The following FHIP1A variants were observed in gnomAD, a reference collection of about 807,000 sequenced individuals.
The protein encoded by FHIP1A is FHF complex subunit HOOK interacting protein 1A.
In FHIP1A, 61 loss-of-function variants were observed where a neutral mutation model predicts 88.6. That is an observed-to-expected ratio of 0.69 (90% CI 0.56 to 0.85). The LOEUF is 0.85. Among genes scored for constraint, FHIP1A ranks in the 40% least tolerant of loss-of-function variants. FHIP1A has a pLI of 0.00. For synonymous variants in FHIP1A, 478 were observed against 496.0 expected (o/e 0.96, Z 0.48); for missense variants, 1,154 against 1,273.5 (o/e 0.91, Z 1.43).
intron 3 of FHIP1A, among the ~76,000 whole-genome samples, chr4:151,565,398 T>A (rs1440512629): frequency 2.0e-5 from 3 of 152,174 alleles, no homozygotes; most frequent in African/African-American, 7.2e-5. Context: ...CATTTGTAAG[T>A]GTGCTACCTT....
At chr4:151,432,962 A>G (rs1733650610) in intron 1 of FHIP1A, among the ~76,000 whole-genome samples, 3 of 152,136 alleles carry the variant, frequency 2.0e-5, no homozygotes, top group South Asian at 4.1e-4. Flanking sequence ...TGGTCTTTTA[A>G]CATGCAGAGA....
chr4:151,631,753 C>T (rs1328832391), intron 8 of FHIP1A, among the ~76,000 whole-genome samples: 3 of 152,140 alleles, frequency 2.0e-5, no homozygotes, highest in African/African-American at 7.2e-5. Context: ...CTAGCCATGT[C>T]CCCTCCCCAA....
At chr4:151,599,098 A>T (rs1415536834) in intron 7 of FHIP1A, among the ~76,000 whole-genome samples, 25 of 152,234 alleles carry the variant, frequency 1.6e-4, no homozygotes, top group Admixed American at 1.6e-3. Context: ...TATTTTGGAC[A>T]TATGGGAAAG....
At chr4:151,559,536 G>A (rs1042260020) in intron 3 of FHIP1A, among the ~76,000 whole-genome samples, 2 of 152,020 alleles carry the variant, frequency 1.3e-5, no homozygotes, top group Admixed American at 6.6e-5. Context: ...TACACAAATC[G>A]TGGCATACTA....
At position 151,650,105 on chromosome 4, in the gene FHIP1A, G is replaced by A. The variant is rs1410126720; in HGVS notation, c.2064G>A (p.Gln688=). 1 of 1,551,690 alleles carries A rather than the reference G, an allele frequency of 6.4e-7. No homozygotes were observed. The highest frequency in any genetic ancestry group is 8.7e-7 in the Non-Finnish European group (1 of 1,146,984). Residue 688 remains glutamine (Q), a synonymous_variant, in exon 11 of 14, where the codon CAG becomes CAA. Coordinates refer to ENST00000435205, the MANE Select transcript of FHIP1A (RefSeq NM_001109977.3). ...ACAACGGCCCCCTCCTCAGCACCCA[G>A]CCAGAGACAGATTCAGAGGAGGAGT... ...PINNGPLLST[Q]PETDSEEEWN... is the part of the protein sequence containing the mutation.
chr4:151,471,890 TACTTA>T (rs1561510226), intron 2 of FHIP1A, among the ~76,000 whole-genome samples: 2 of 152,220 alleles, frequency 1.3e-5, no homozygotes, highest in Non-Finnish European at 2.9e-5. Context: ...ATTCCTGGGT[TACTTA>T]ACTTAGAATA....
chr4:151,539,387 G>A (rs1374933171), intron 3 of FHIP1A, among the ~76,000 whole-genome samples: 2 of 151,844 alleles, frequency 1.3e-5, no homozygotes, highest in Non-Finnish European at 2.9e-5. Flanking sequence ...TTCAAGACTA[G>A]CCTGGCCAAC....
rs549614200 is a variant in FHIP1A at position 151,601,359 on chromosome 4, T to C, written c.978+12433T>C. On this transcript the variant is annotated intron_variant, in intron 7 of 13. Coordinates refer to ENST00000435205, the MANE Select transcript of FHIP1A (RefSeq NM_001109977.3). ...GAGGGGCCGTTGGAAGCCATCAGCATGCTTATTTACCAGTATCAGCATCTT... is the reference window on the plus strand; with the variant it reads ...GAGGGGCCGTTGGAAGCCATCAGCACGCTTATTTACCAGTATCAGCATCTT... Among the ~76,000 whole-genome samples, 18 of 152,128 alleles carry C rather than the reference T, an allele frequency of 1.2e-4. 1 individual carries two copies. The East Asian group carries it at 3.5e-3, about 29-fold the overall frequency.
chr4:151,567,886 A>G (rs2126774515), intron 4 of FHIP1A, among the ~76,000 whole-genome samples: 1 of 152,330 alleles, frequency 6.6e-6, no homozygotes, highest in African/African-American at 2.4e-5. Context: ...TAGGAAGTCT[A>G]TCTTACTACG....
intron 3 of FHIP1A, among the ~76,000 whole-genome samples, chr4:151,511,568 G>T (rs1303481124): frequency 1.3e-5 from 2 of 152,152 alleles, no homozygotes; most frequent in African/African-American, 2.4e-5. Flanking sequence ...TGGAAAATCG[G>T]GTCACTCCCA....
At chr4:151,501,143 A>G (rs1730636121) in intron 3 of FHIP1A, among the ~76,000 whole-genome samples, 1 of 152,228 alleles carries the variant, frequency 6.6e-6, no homozygotes, top group Non-Finnish European at 1.5e-5. Context: ...GTTATTTTAT[A>G]AAATAAACTT....
chr4:151,464,362 C>A (rs1729236744), intron 2 of FHIP1A, among the ~76,000 whole-genome samples: 1 of 152,128 alleles, frequency 6.6e-6, no homozygotes, highest in Non-Finnish European at 1.5e-5. Flanking sequence ...ATATGTAAGT[C>A]AGAGAAAGCT....
At chr4:151,650,883 G>A (rs369601100) in intron 11 of FHIP1A, among the ~76,000 whole-genome samples, 3 of 152,274 alleles carry the variant, frequency 2.0e-5, no homozygotes, top group South Asian at 2.1e-4. Flanking sequence ...GAATCCAGAC[G>A]TCTTATTTAA....
At chr4:151,451,185 G>T (rs1338717199) in intron 1 of FHIP1A, among the ~76,000 whole-genome samples, 1 of 151,746 alleles carries the variant, frequency 6.6e-6, no homozygotes, top group Admixed American at 6.6e-5. Flanking sequence ...TAGTTTTTGG[G>T]GGTTTTCATC....
intron 8 of FHIP1A, 89 bp from the exon 9 acceptor site, chr4:151,638,588 A>G: frequency 2.7e-6 from 2 of 735,916 alleles, no homozygotes; most frequent in Non-Finnish European, 4.3e-6. Flanking sequence ...AGGCCATTAT[A>G]TTTTGTAATT....
At chr4:151,555,063 G>A (rs547329614) in intron 3 of FHIP1A, among the ~76,000 whole-genome samples, 1 of 152,126 alleles carries the variant, frequency 6.6e-6, no homozygotes, top group Non-Finnish European at 1.5e-5. Context: ...AATCACAGAA[G>A]CTAGATTTAT....
At chr4:151,470,960 G>A (rs1729488958) in intron 2 of FHIP1A, among the ~76,000 whole-genome samples, 1 of 152,142 alleles carries the variant, frequency 6.6e-6, no homozygotes, top group South Asian at 2.1e-4. Flanking sequence ...TGCCTACAAT[G>A]CTGGCTGGCG....
chr4:151,483,971 C>G (rs535008929), intron 3 of FHIP1A, among the ~76,000 whole-genome samples: 1 of 152,032 alleles, frequency 6.6e-6, no homozygotes, highest in South Asian at 2.1e-4. Context: ...AGGCATTGAG[C>G]CTGTGTTTAA....
intron 3 of FHIP1A, among the ~76,000 whole-genome samples, chr4:151,536,384 T>C (rs1013400446): frequency 6.6e-6 from 1 of 152,234 alleles, no homozygotes; most frequent in African/African-American, 2.4e-5. Flanking sequence ...AGTCAACATA[T>C]TGAATAGTTC....
Sources: allele counts gnomAD v4.1 joint callset (sites outside exome capture counted in the v4.1 genomes callset), GRCh38; gene constraint gnomAD v4.1.1; transcripts MANE v1.5; gene names NCBI Gene and HGNC (gene_info 2026-07-23, HGNC 2026-07-21).